The following BICC1 variants were observed in gnomAD, a reference collection of about 807,000 sequenced individuals.
BICC1 encodes protein bicaudal C homolog 1.
In BICC1, 43 loss-of-function variants were observed where a neutral mutation model predicts 111.0. The observed-to-expected ratio is 0.39, with a 90% confidence interval of 0.30 to 0.50. The LOEUF is 0.50. Ranked by LOEUF, BICC1 falls within the 20% of genes least tolerant of loss-of-function variation. The pLI is 0.88. For synonymous variants in BICC1, 467 were observed against 434.4 expected, an observed-to-expected ratio of 1.07 and a Z score of -0.93; for missense variants, 1,091 against 1,203.2, an observed-to-expected ratio of 0.91 and a Z score of 1.38.
chr10:58,657,978 G>A (rs182266700), intron 2 of BICC1, among the ~76,000 whole-genome samples: 615 of 151,998 alleles, frequency 4.0e-3, no homozygotes, highest in South Asian at 8.5e-3. Flanking sequence ...ACTCTTCTCA[G>A]TGTGTCACCT....
chr10:58,615,131 GT>G (rs1222015125), intron 1 of BICC1, among the ~76,000 whole-genome samples: 1 of 151,522 alleles, frequency 6.6e-6, no homozygotes, highest in Admixed American at 6.6e-5. Flanking sequence ...TCTTGCCTGG[GT>G]GTTCGCTTTA....
rs148899132 is a variant in BICC1, at chr10:58,536,058, C to T, written c.190+22725C>T. On this transcript the variant is annotated intron_variant, in intron 1 of 20. Transcript: ENST00000373886. ...TTCTAAATATATATGCACCTAACTC[C>T]AGAGCTCCCAGATTCGTAAAGCAAC... is the stretch of plus-strand genomic sequence containing the variant. 8.8e-4 allele frequency among the ~76,000 whole-genome samples: 133 copies of T among 151,386 alleles called. 1 individual carries two copies. The highest frequency in any genetic ancestry group is 1.7e-3 in the Non-Finnish European group (116 of 67,648).
chr10:58,809,316 G>A (rs1240060456), intron 17 of BICC1, among the ~76,000 whole-genome samples: 1 of 152,078 alleles, frequency 6.6e-6, no homozygotes, highest in Non-Finnish European at 1.5e-5. Flanking sequence ...TTACAGGTGT[G>A]AGGTTCTTTT....
At chr10:58,558,079 T>A (rs951668853) in intron 1 of BICC1, among the ~76,000 whole-genome samples, 1 of 152,150 alleles carries the variant, frequency 6.6e-6, no homozygotes, top group African/African-American at 2.4e-5. Context: ...GGCAAAAGCC[T>A]TCTAAGTTTT....
At chr10:58,714,443 G>A (rs915957377) in intron 3 of BICC1, among the ~76,000 whole-genome samples, 1 of 152,206 alleles carries the variant, frequency 6.6e-6, no homozygotes, top group Non-Finnish European at 1.5e-5. Context: ...GAATTTTATA[G>A]TTTAATTGTG....
chr10:58,547,102 A>G (rs1243929817), intron 1 of BICC1, among the ~76,000 whole-genome samples: 1 of 152,154 alleles, frequency 6.6e-6, no homozygotes, highest in African/African-American at 2.4e-5. Flanking sequence ...TCCCCTTATT[A>G]TTACCATCTT....
intron 20 of BICC1, among the ~76,000 whole-genome samples, chr10:58,824,852 A>G (rs1844351218): frequency 6.6e-6 from 1 of 152,144 alleles, no homozygotes; most frequent in Admixed American, 6.6e-5. Flanking sequence ...TAGTCTGATG[A>G]TTCTGTGTAC....
intron 2 of BICC1, among the ~76,000 whole-genome samples, chr10:58,626,006 C>G (rs928604142): frequency 6.6e-6 from 1 of 152,066 alleles, no homozygotes; most frequent in Non-Finnish European, 1.5e-5. Context: ...TGAGTCTGTG[C>G]TTAAACACAA....
chr10:58,828,683 C>G (rs991592781), intron 20 of BICC1, 78 bp from the exon 21 acceptor site: 2 of 1,451,858 alleles, frequency 1.4e-6, no homozygotes, highest in African/African-American at 1.4e-5. Flanking sequence ...TCACCATTTT[C>G]TGAGCTCTAG....
intron 2 of BICC1, among the ~76,000 whole-genome samples, chr10:58,663,372 T>G (rs745792942): frequency 1.1e-4 from 17 of 152,060 alleles, no homozygotes; most frequent in Non-Finnish European, 1.5e-5. Context: ...CGGCCCAATT[T>G]TTAGGTTTTA....
At chr10:58,545,376 A>G (rs1433935652) in intron 1 of BICC1, among the ~76,000 whole-genome samples, 1 of 152,188 alleles carries the variant, frequency 6.6e-6, no homozygotes, top group East Asian at 1.9e-4. Flanking sequence ...TTGAGAAATT[A>G]ACGTTGACTG....
At chr10:58,612,979 T>C (rs1258765644) in intron 1 of BICC1, among the ~76,000 whole-genome samples, 1 of 152,222 alleles carries the variant, frequency 6.6e-6, no homozygotes. Flanking sequence ...TGTAATAGTT[T>C]ACACCTGTTT....
chr10:58,756,204 T>C (rs1240689154), intron 3 of BICC1, among the ~76,000 whole-genome samples: 1 of 151,828 alleles, frequency 6.6e-6, no homozygotes, highest in African/African-American at 2.4e-5. Context: ...TTTCGTATCT[T>C]AGAAGGCAAT....
At chr10:58,577,190 G>C (rs1004364594) in intron 1 of BICC1, among the ~76,000 whole-genome samples, 8 of 152,092 alleles carry the variant, frequency 5.3e-5, no homozygotes, top group African/African-American at 1.9e-4. Flanking sequence ...TGCTAGACAG[G>C]GGAGGTTCCT....
intron 3 of BICC1, among the ~76,000 whole-genome samples, chr10:58,714,497 T>C (rs1434645741): frequency 1.3e-5 from 2 of 152,222 alleles, no homozygotes; most frequent in African/African-American, 4.8e-5. Context: ...TTTCACGTTA[T>C]GCCTTTGTGC....
chr10:58,769,128 G>T (rs1842539662), intron 3 of BICC1, among the ~76,000 whole-genome samples: 5 of 151,864 alleles, frequency 3.3e-5, no homozygotes, highest in Non-Finnish European at 7.4e-5. Flanking sequence ...TACTAACAGG[G>T]ATTGAGTGTG....
At chr10:58,584,785 C>A (rs111699043) in intron 1 of BICC1, among the ~76,000 whole-genome samples, 6,217 of 147,952 alleles carry the variant, frequency 0.042, 396 homozygotes, top group African/African-American at 0.15. Context: ...TATTGCAGTG[C>A]CTTTTTTTTT....
intron 5 of BICC1, 152 bp from the exon 6 acceptor site, chr10:58,788,218 G>A: frequency 1.7e-6 from 1 of 571,444 alleles, no homozygotes; most frequent in African/African-American, 1.9e-5. Flanking sequence ...CTGGATGGGG[G>A]CCTGAGATCC....
intron 3 of BICC1, among the ~76,000 whole-genome samples, chr10:58,743,015 G>A (rs1841718321): frequency 6.6e-6 from 1 of 152,164 alleles, no homozygotes; most frequent in Non-Finnish European, 1.5e-5. Flanking sequence ...GAATAAAATA[G>A]TTAATGTAAA....
Sources: gnomAD v4.1 joint callset for allele counts (sites outside exome capture counted in the v4.1 genomes callset) on GRCh38, gnomAD v4.1.1 for gene constraint, MANE v1.5 for transcripts, NCBI Gene and HGNC (gene_info 2026-07-23, HGNC 2026-07-21) for gene names.